The following IGF2BP3 variants were observed in gnomAD, a reference collection of about 807,000 sequenced individuals.
The protein encoded by IGF2BP3 is insulin-like growth factor 2 mRNA-binding protein 3.
In IGF2BP3, 9 loss-of-function variants were observed where a neutral mutation model predicts 73.8. That is an observed-to-expected ratio of 0.12 (90% CI 0.07 to 0.21). The LOEUF is 0.21. Ranked by LOEUF, IGF2BP3 falls within the 10% of genes least tolerant of loss-of-function variation. The pLI, the probability that IGF2BP3 is intolerant of heterozygous loss-of-function variation, is 1.00. For synonymous variants in IGF2BP3, 258 were observed against 256.7 expected (o/e 1.01, Z -0.05); for missense variants, 542 against 714.0 (o/e 0.76, Z 2.75).
At chr7:23,346,395 A>T (rs1326534781) in intron 7 of IGF2BP3, among the ~76,000 whole-genome samples, 1 of 152,214 alleles carries the variant, frequency 6.6e-6, no homozygotes, top group Non-Finnish European at 1.5e-5. Flanking sequence ...TCCAGTACAA[A>T]TATACACCTG....
At chr7:23,318,410 A>T (rs1414272673) in intron 11 of IGF2BP3, among the ~76,000 whole-genome samples, 1 of 151,778 alleles carries the variant, frequency 6.6e-6, no homozygotes, top group Non-Finnish European at 1.5e-5. Flanking sequence ...TTTTTTGTAG[A>T]GATGGGGTCT....
At chr7:23,331,470 C>T (rs1233456069) in intron 10 of IGF2BP3, among the ~76,000 whole-genome samples, 3 of 152,166 alleles carry the variant, frequency 2.0e-5, no homozygotes, top group South Asian at 2.1e-4. Flanking sequence ...GTATCTTAAA[C>T]GTGCATAAGA....
chr7:23,370,304 T>C (rs1785505950), intron 3 of IGF2BP3, among the ~76,000 whole-genome samples: 1 of 152,240 alleles, frequency 6.6e-6, no homozygotes, highest in African/African-American at 2.4e-5. Context: ...CACAGTAATC[T>C]AGTTTTCAGA....
At chr7:23,435,346 C>CCCTATCAT (rs1787784024) in intron 2 of IGF2BP3, among the ~76,000 whole-genome samples, 1 of 150,080 alleles carries the variant, frequency 6.7e-6, no homozygotes, top group Admixed American at 6.6e-5. Context: ...AAGTCTCTAG[C>CCCTATCAT]CCTATCATGT....
chr7:23,416,546 G>C (rs900291360), intron 3 of IGF2BP3, among the ~76,000 whole-genome samples: 7 of 152,186 alleles, frequency 4.6e-5, no homozygotes, highest in Non-Finnish European at 8.8e-5. Context: ...AACCTATTGA[G>C]ATAAGACTAT....
chr7:23,324,691 A>C (rs1784246302), intron 10 of IGF2BP3, among the ~76,000 whole-genome samples: 1 of 84,986 alleles, frequency 1.2e-5, no homozygotes, highest in Non-Finnish European at 2.2e-5. Flanking sequence ...TGGCAAACCG[A>C]ATCCAGCAGC....
intron 5 of IGF2BP3, among the ~76,000 whole-genome samples, chr7:23,352,214 T>C (rs1784979798): frequency 7.0e-6 from 1 of 143,004 alleles, no homozygotes; most frequent in Non-Finnish European, 1.5e-5. Flanking sequence ...GGGGTGGTGA[T>C]AAACCAAAAA....
At chr7:23,397,650 GA>G (rs1244153660) in intron 3 of IGF2BP3, among the ~76,000 whole-genome samples, 1 of 152,146 alleles carries the variant, frequency 6.6e-6, no homozygotes. Flanking sequence ...ATTCTGCATA[GA>G]AATCCCTCTA....
intron 5 of IGF2BP3, among the ~76,000 whole-genome samples, chr7:23,356,501 A>T (rs1785100124): frequency 6.6e-6 from 1 of 152,168 alleles, no homozygotes; most frequent in Non-Finnish European, 1.5e-5. Flanking sequence ...AGGCTACATT[A>T]AGCCATGATT....
intron 3 of IGF2BP3, among the ~76,000 whole-genome samples, chr7:23,407,328 G>A (rs1786866417): frequency 6.6e-6 from 1 of 151,230 alleles, no homozygotes; most frequent in African/African-American, 2.4e-5. Flanking sequence ...AAAAAAAAGG[G>A]CTGGGTGTGG....
intron 2 of IGF2BP3, among the ~76,000 whole-genome samples, chr7:23,439,149 A>C (rs987847269): frequency 2.0e-5 from 3 of 152,150 alleles, no homozygotes; most frequent in Non-Finnish European, 4.4e-5. Context: ...AGGCTGAGGC[A>C]AAAGAATCCC....
intron 3 of IGF2BP3, among the ~76,000 whole-genome samples, chr7:23,383,913 G>A (rs999392115): frequency 6.6e-6 from 1 of 151,748 alleles, no homozygotes; most frequent in South Asian, 2.1e-4. Context: ...TGGCTAACAC[G>A]GTGAGACCCC....
At position 23,470,079 on chromosome 7, in the gene IGF2BP3, T is replaced by C; in HGVS notation, c.32A>G (p.Glu11Gly). ...TTCTAGGTCCGAGGGGGCGGCGTTCTCGCTGAGGTTTCCGATATACAGTTT... is the reference window on the plus strand; with the variant it reads ...TTCTAGGTCCGAGGGGGCGGCGTTCCCGCTGAGGTTTCCGATATACAGTTT... MNKLYIGNLS[E>G]NAAPSDLESI... The change falls in exon 1 of 15, where the codon GAG becomes GGG. Residue 11 changes from glutamate (E) to glycine (G), a missense_variant. By Grantham distance (98) the Glu-to-Gly change is moderately conservative (BLOSUM62 -2). This residue lies in a region of IGF2BP3 where 239 missense variants were observed against 241.9 expected (regional missense o/e 0.99). Coordinates refer to ENST00000258729, the MANE Select transcript of IGF2BP3 (RefSeq NM_006547.3). The C allele has an allele frequency of 6.2e-7, 1 of 1,609,620 alleles. No homozygotes were observed. Among genetic ancestry groups the C allele is most frequent in the South Asian group, 1.1e-5 (1 of 90,522 alleles).
At chr7:23,441,659 C>A (rs912975632) in intron 2 of IGF2BP3, among the ~76,000 whole-genome samples, 2 of 145,430 alleles carry the variant, frequency 1.4e-5, no homozygotes, top group African/African-American at 5.1e-5. Context: ...ACTTGCAGAA[C>A]CTTAACTGCT....
chr7:23,407,697 A>C (rs529400285), intron 3 of IGF2BP3, among the ~76,000 whole-genome samples: 1 of 152,140 alleles, frequency 6.6e-6, no homozygotes, highest in East Asian at 1.9e-4. Flanking sequence ...AATAACACCA[A>C]TTCAGCAAAT....
intron 2 of IGF2BP3, among the ~76,000 whole-genome samples, chr7:23,429,910 T>C (rs1408836728): frequency 6.6e-6 from 1 of 152,176 alleles, no homozygotes; most frequent in Non-Finnish European, 1.5e-5. Flanking sequence ...CTTTAACTTA[T>C]TCCTCTGGAA....
At chr7:23,327,303 C>T (rs1448501370) in intron 10 of IGF2BP3, among the ~76,000 whole-genome samples, 6 of 134,190 alleles carry the variant, frequency 4.5e-5, no homozygotes, top group South Asian at 4.7e-4. Context: ...TTTTTTGAGA[C>T]GGAGTCTCGC....
At chr7:23,404,493 T>C (rs895843485) in intron 3 of IGF2BP3, among the ~76,000 whole-genome samples, 12 of 152,152 alleles carry the variant, frequency 7.9e-5, no homozygotes, top group Admixed American at 4.6e-4. Flanking sequence ...TCTGGGTTGA[T>C]AGTCAAGCTT....
intron 2 of IGF2BP3, among the ~76,000 whole-genome samples, chr7:23,423,184 C>T (rs1787400200): frequency 6.6e-6 from 1 of 152,216 alleles, no homozygotes; most frequent in Non-Finnish European, 1.5e-5. Context: ...CTGCTCTTAT[C>T]AGTACAAGAG....
Sources: allele counts gnomAD v4.1 joint callset (sites outside exome capture counted in the v4.1 genomes callset), GRCh38; gene constraint gnomAD v4.1.1; regional missense constraint gnomAD v4.1.1; transcripts MANE v1.5; gene names NCBI Gene and HGNC (gene_info 2026-07-23, HGNC 2026-07-21).